FGL1: variants seen among roughly 807,000 people sequenced by gnomAD.
FGL1 encodes fibrinogen like 1.
Under a neutral mutation model 43.7 loss-of-function variants are expected in FGL1, and 59 were observed. The ratio of observed to expected loss-of-function variants is 1.35; its 90% confidence interval spans 1.10 to 1.68. The LOEUF is 1.68. Among genes scored for constraint, FGL1 ranks in the 40% most tolerant of loss-of-function variants. FGL1 has a pLI of 0.00. For synonymous variants in FGL1, 192 were observed against 126.5 expected (o/e 1.52, Z -3.48); for missense variants, 596 against 373.0 (o/e 1.60, Z -4.92).
intron 1 of FGL1, among the ~76,000 whole-genome samples, chr8:17,889,427 G>A (rs573895103): frequency 2.0e-4 from 30 of 152,104 alleles, no homozygotes; most frequent in Non-Finnish European, 4.4e-4. Flanking sequence ...GTGCACACCT[G>A]TAATCCCAGC....
At chr8:17,865,599 T>C (rs974901551) in intron 7 of FGL1, among the ~76,000 whole-genome samples, 2 of 152,224 alleles carry the variant, frequency 1.3e-5, no homozygotes, top group African/African-American at 4.8e-5. Context: ...GGTTAGGTTA[T>C]CGACAATATA....
intron 7 of FGL1, among the ~76,000 whole-genome samples, chr8:17,865,661 T>C (rs1195744582): frequency 6.6e-6 from 1 of 152,260 alleles, no homozygotes; most frequent in Non-Finnish European, 1.5e-5. Context: ...TTGATATGTA[T>C]AATTTACATG....
chr8:17,871,490 TCAAAAAAAAAAA>T (rs1337149093), intron 5 of FGL1, among the ~76,000 whole-genome samples: 4 of 40,698 alleles, frequency 9.8e-5, no homozygotes, highest in Non-Finnish European at 1.7e-4. Flanking sequence ...AAAATCTGTC[TCAAAAAAAAAAA>T]CAAAAAAAAA....
intron 5 of FGL1, among the ~76,000 whole-genome samples, chr8:17,873,061 A>G (rs2053389276): frequency 6.6e-6 from 1 of 152,180 alleles, no homozygotes; most frequent in Non-Finnish European, 1.5e-5. Flanking sequence ...ATGTATGTGG[A>G]AACATGGACA....
intron 3 of FGL1, among the ~76,000 whole-genome samples, chr8:17,879,622 G>A (rs918522013): frequency 1.3e-5 from 2 of 152,076 alleles, no homozygotes; most frequent in South Asian, 2.1e-4. Flanking sequence ...AGATGTGCCT[G>A]CTTCTGCTTT....
chr8:17,894,238 A>C (rs1479674144), intron 1 of FGL1, among the ~76,000 whole-genome samples: 1 of 147,314 alleles, frequency 6.8e-6, no homozygotes, highest in Non-Finnish European at 1.5e-5. Flanking sequence ...TATATAAAAG[A>C]AATAAAAAGG....
At chr8:17,892,489 T>C (rs936560553) in intron 1 of FGL1, among the ~76,000 whole-genome samples, 2 of 152,096 alleles carry the variant, frequency 1.3e-5, no homozygotes, top group African/African-American at 4.8e-5. Flanking sequence ...ATTGTTTGCC[T>C]AAAGAAATAA....
chr8:17,889,347 C>T (rs570578701), intron 1 of FGL1, among the ~76,000 whole-genome samples: 1 of 152,236 alleles, frequency 6.6e-6, no homozygotes, highest in East Asian at 1.9e-4. Context: ...GCCAGGAGTT[C>T]AAGACCAGCC....
chr8:17,874,574 C>CA (rs201560481), intron 3 of FGL1, 53 bp from the exon 4 acceptor site: 2 of 1,421,682 alleles, frequency 1.4e-6, no homozygotes, highest in African/African-American at 1.8e-5. Context: ...TTTCTCCCCC[C>CA]GCCTTAGGGA....
chr8:17,890,222 G>C (rs2053685087), intron 1 of FGL1, among the ~76,000 whole-genome samples: 1 of 152,110 alleles, frequency 6.6e-6, no homozygotes, highest in South Asian at 2.1e-4. Context: ...CTAATGTCTG[G>C]CCCAAGCTAC....
chr8:17,888,413 A>G (rs2053659780), intron 1 of FGL1, among the ~76,000 whole-genome samples: 1 of 152,210 alleles, frequency 6.6e-6, no homozygotes, highest in African/African-American at 2.4e-5. Context: ...TCTTTAAGAT[A>G]AAAACATTGA....
chr8:17,870,701 A>G (rs1265118745), intron 5 of FGL1, among the ~76,000 whole-genome samples: 2 of 152,106 alleles, frequency 1.3e-5, no homozygotes, highest in Non-Finnish European at 1.5e-5. Flanking sequence ...AGGTCAGGAG[A>G]TCGAGACCAT....
intron 1 of FGL1, 142 bp downstream of exon 1, chr8:17,895,305 C>G: frequency 9.2e-7 from 1 of 1,085,346 alleles, no homozygotes; most frequent in Non-Finnish European, 1.1e-6. Context: ...CTCCAAGTAG[C>G]AGAAGCAGAC....
chr8:17,868,579 C>G lies in FGL1; in HGVS notation c.748G>C (p.Glu250Gln). The G allele has an allele frequency of 1.2e-6, 2 of 1,613,060 alleles. No individual in the cohort carries two copies. The highest frequency in any genetic ancestry group is 8.5e-7 in the Non-Finnish European group (1 of 1,179,678). Residue 250 changes from glutamate to glutamine, a missense_variant, in exon 7 of 8, where the codon GAA becomes CAA. Transcript: ENST00000427924. ...AACCACCAGCCAGACTGATCTTCTT[C>G]TGCGCAGTTCCCTTCATAGTTGTCA... ...DHDNYEGNCA[E>Q]EDQSGWWFNR...
intron 2 of FGL1, among the ~76,000 whole-genome samples, chr8:17,884,588 C>A (rs140071137): frequency 3.3e-5 from 5 of 152,240 alleles, no homozygotes; most frequent in South Asian, 4.2e-4. Context: ...CACCTTGAGT[C>A]ACATAGGCTA....
At chr8:17,870,991 A>C (rs1372346584) in intron 5 of FGL1, among the ~76,000 whole-genome samples, 1 of 152,004 alleles carries the variant, frequency 6.6e-6, no homozygotes, top group Non-Finnish European at 1.5e-5. Context: ...TCCTATAAAC[A>C]AACTCAAGGC....
intron 3 of FGL1, among the ~76,000 whole-genome samples, chr8:17,877,034 G>T (rs2053466710): frequency 6.6e-6 from 1 of 152,156 alleles, no homozygotes; most frequent in African/African-American, 2.4e-5. Flanking sequence ...AGTTCAATTT[G>T]CTTATAGCTA....
intron 3 of FGL1, among the ~76,000 whole-genome samples, chr8:17,875,815 C>T (rs1405170921): frequency 1.3e-5 from 2 of 151,996 alleles, no homozygotes; most frequent in African/African-American, 2.4e-5. Flanking sequence ...CCATGTTGGC[C>T]AGACTGGTCT....
intron 2 of FGL1, chr8:17,882,808 A>G (rs1284227638): frequency 8.3e-6 from 1 of 121,124 alleles, no homozygotes; most frequent in Non-Finnish European, 1.6e-5. Flanking sequence ...ATATTAAACA[A>G]TATATAATAT....
Sources: gnomAD v4.1 joint callset for allele counts (sites outside exome capture counted in the v4.1 genomes callset) on GRCh38, gnomAD v4.1.1 for gene constraint, MANE v1.5 for transcripts, NCBI Gene and HGNC (gene_info 2026-07-23, HGNC 2026-07-21) for gene names.